Variants in SDK2 observed in about 807,000 individuals in gnomAD.
SDK2 encodes sidekick cell adhesion molecule 2.
SDK2 carries 105 observed loss-of-function variants against 253.9 expected under a neutral mutation model. That is an observed-to-expected ratio of 0.41 (90% CI 0.35 to 0.49). The LOEUF (loss-of-function observed/expected upper bound fraction) is 0.49, where lower values mean the gene tolerates loss of function less well. SDK2 is among the 20% of genes least tolerant of loss of function. The pLI is 0.06. For missense variants in SDK2, 2,608 were observed against 3,003.0 expected, an observed-to-expected ratio of 0.87 and a Z score of 3.07; for synonymous variants, 1,249 against 1,234.9, an observed-to-expected ratio of 1.01 and a Z score of -0.24.
intron 1 of SDK2, among the ~76,000 whole-genome samples, chr17:73,521,640 T>G (rs2145786817): frequency 6.6e-6 from 1 of 152,260 alleles, no homozygotes; most frequent in Admixed American, 6.5e-5. Flanking sequence ...GGGGATGCAT[T>G]TCCAATCACT....
At chr17:73,565,092 G>C (rs28609885) in intron 1 of SDK2, among the ~76,000 whole-genome samples, 29,635 of 152,154 alleles carry the variant, frequency 0.19, 3,514 homozygotes, top group African/African-American at 0.34. Flanking sequence ...TGCCAAGTGG[G>C]GTGGCTAAAT....
At chr17:73,349,632 G>C (rs1030154661) in intron 43 of SDK2, among the ~76,000 whole-genome samples, 8 of 152,230 alleles carry the variant, frequency 5.3e-5, no homozygotes, top group Non-Finnish European at 8.8e-5. Flanking sequence ...AGCTGTGCTT[G>C]CACCACGAGC....
intron 20 of SDK2, among the ~76,000 whole-genome samples, chr17:73,401,435 T>A (rs112284319): frequency 6.6e-6 from 1 of 152,158 alleles, no homozygotes; most frequent in Non-Finnish European, 1.5e-5. Flanking sequence ...TGAGTCATCA[T>A]GGCAGCCACT....
chr17:73,373,168 C>A (rs2062751031), intron 36 of SDK2, among the ~76,000 whole-genome samples: 1 of 152,214 alleles, frequency 6.6e-6, no homozygotes, highest in African/African-American at 2.4e-5. Flanking sequence ...TAATATCCTG[C>A]AGGTTCATCC....
chr17:73,340,453 A>C (rs1002438522), intron 44 of SDK2, among the ~76,000 whole-genome samples: 1 of 152,160 alleles, frequency 6.6e-6, no homozygotes, highest in African/African-American at 2.4e-5. Flanking sequence ...AAATGGGATC[A>C]TATAATATGT....
At chr17:73,474,467 C>A (rs1259709129) in intron 2 of SDK2, among the ~76,000 whole-genome samples, 1 of 152,238 alleles carries the variant, frequency 6.6e-6, no homozygotes, top group African/African-American at 2.4e-5. Context: ...TGGGTCTGTG[C>A]AGGGCTGACT....
intron 2 of SDK2, among the ~76,000 whole-genome samples, chr17:73,474,440 G>A (rs759008536): frequency 1.3e-5 from 2 of 152,156 alleles, no homozygotes; most frequent in Non-Finnish European, 2.9e-5. Context: ...ACATCCCAAG[G>A]GCCCCACCCT....
chr17:73,398,345 C>T lies in SDK2; in HGVS notation c.3178G>A (p.Asp1060Asn), dbSNP rs201212596. ...CTGTAGCAGGTGAAGGGGTTGAGGT[C>T]GGGCACCTCCATGGAGCGGGCATCG... is the stretch of plus-strand genomic sequence containing the variant. ...EPDARSMEVP[D>N]LNPFTCYSFR... Residue 1060 changes from aspartate to asparagine, a missense_variant, in exon 23 of 45, where the codon GAC (aspartate) becomes AAC (asparagine). By Grantham distance (23) the Asp-to-Asn change is conservative (BLOSUM62 1). This residue lies in a region of SDK2 where 1,505 missense variants were observed against 1,859.1 expected (regional missense o/e 0.81). Coordinates refer to ENST00000392650, the MANE Select transcript of SDK2 (RefSeq NM_001144952.2). 1.5e-5 allele frequency: 24 copies of T among 1,613,902 alleles called. No homozygotes were observed. The highest frequency in any genetic ancestry group is 8.9e-5 in the East Asian group (4 of 44,868).
chr17:73,382,072 T>C (rs533991355), intron 33 of SDK2, among the ~76,000 whole-genome samples: 31 of 151,950 alleles, frequency 2.0e-4, no homozygotes, highest in Non-Finnish European at 4.1e-4. Context: ...AAAAATTAGC[T>C]GGGCGTGGTA....
intron 21 of SDK2, among the ~76,000 whole-genome samples, chr17:73,399,985 G>A (rs1038523876): frequency 6.6e-6 from 1 of 152,212 alleles, no homozygotes; most frequent in Admixed American, 6.5e-5. Flanking sequence ...GTCAACGTGA[G>A]CAAAGCTCCC....
rs1599575104 is a variant in SDK2, at chr17:73,447,549, C to T, written c.613+66G>A. ...GCCACTCCATCTTCCCAATGATCCC[C>T]TGGAGCACCATTGCTAAGATTTAAT... On this transcript the variant is annotated intron_variant, in intron 5 of 44. Transcript: ENST00000392650. The surrounding 1 kb of genome is among the most constrained non-coding windows in gnomAD (Gnocchi z 4.0). 6.5e-7 allele frequency: 1 copy of T among 1,541,358 alleles called. No homozygotes were observed. The highest frequency in any genetic ancestry group is 1.4e-5 in the African/African-American group (1 of 72,998).
intron 1 of SDK2, among the ~76,000 whole-genome samples, chr17:73,552,679 A>G (rs2045080718): frequency 6.6e-6 from 1 of 152,240 alleles, no homozygotes; most frequent in East Asian, 1.9e-4. Flanking sequence ...GATACGGGGG[A>G]ACAGGATTTG....
At position 73,433,306 on chromosome 17, in the gene SDK2, G is replaced by A. The variant is rs138646968; in HGVS notation, c.1312+426C>T. Reference sequence around the variant, plus strand: ...GGATGCTCTTTTTTTTTTTTGAGACGGAGTCTCGCTCTGTCTCCCAGGCTG... The same window carrying A: ...GGATGCTCTTTTTTTTTTTTGAGACAGAGTCTCGCTCTGTCTCCCAGGCTG... On this transcript the variant is annotated intron_variant, in intron 10 of 44. Coordinates refer to ENST00000392650, the MANE Select transcript of SDK2 (RefSeq NM_001144952.2). Among the ~76,000 whole-genome samples the A allele has an allele frequency of 1.2e-3, 185 of 151,340 alleles. 3 individuals carry two copies. The South Asian group carries it at 0.021, about 17-fold the overall frequency.
chr17:73,388,112 A>C, intron 29 of SDK2, 75 bp from the exon 30 acceptor site: 1 of 1,025,442 alleles, frequency 9.8e-7, no homozygotes, highest in East Asian at 2.6e-5. Context: ...TTCTCGAGGG[A>C]GGAAAGGAGG....
intron 1 of SDK2, among the ~76,000 whole-genome samples, chr17:73,545,251 C>A (rs1317799037): frequency 7.9e-5 from 12 of 152,100 alleles, no homozygotes; most frequent in Admixed American, 3.9e-4. Context: ...CCCTGCTGGA[C>A]TCGCTCAACC....
chr17:73,393,045 G>C (rs1321236593), intron 27 of SDK2, among the ~76,000 whole-genome samples: 1 of 151,972 alleles, frequency 6.6e-6, no homozygotes, highest in Non-Finnish European at 1.5e-5. Flanking sequence ...AGGAGTTCGA[G>C]ACCAGCCTGG....
At chr17:73,474,189 T>C (rs1197018248) in intron 2 of SDK2, among the ~76,000 whole-genome samples, 2 of 152,156 alleles carry the variant, frequency 1.3e-5, no homozygotes, top group African/African-American at 4.8e-5. Context: ...ATTTTTAAAC[T>C]TAAATTTTAC....
chr17:73,348,454 T>G, intron 44 of SDK2, 145 bp downstream of exon 44: 1 of 969,032 alleles, frequency 1.0e-6, no homozygotes. Flanking sequence ...AGATGGCCCA[T>G]ATATGACTTC....
chr17:73,523,778 C>A (rs57160458), intron 1 of SDK2, among the ~76,000 whole-genome samples: 1 of 151,412 alleles, frequency 6.6e-6, no homozygotes, highest in Non-Finnish European at 1.5e-5. Context: ...CCTGCACCCC[C>A]CAAATAACAG....
Sources: allele counts gnomAD v4.1 joint callset (sites outside exome capture counted in the v4.1 genomes callset), GRCh38; gene constraint gnomAD v4.1.1; regional missense constraint gnomAD v4.1.1; non-coding constraint Gnocchi (gnomAD v3.1); transcripts MANE v1.5; gene names NCBI Gene and HGNC (gene_info 2026-07-23, HGNC 2026-07-21).